Variants in ANXA7 observed in about 807,000 individuals in gnomAD.
ANXA7 encodes the protein annexin VII.
Under a neutral mutation model 64.9 loss-of-function variants are expected in ANXA7, and 55 were observed. That is an observed-to-expected ratio of 0.85 (90% CI 0.68 to 1.06). ANXA7 has a LOEUF of 1.06. Ranked by LOEUF, ANXA7 falls within the 50% of genes least tolerant of loss-of-function variation. The pLI, the probability that ANXA7 is intolerant of heterozygous loss-of-function variation, is 0.00. For missense variants in ANXA7, 548 were observed against 582.1 expected (o/e 0.94, Z 0.60); for synonymous variants, 200 against 192.4 (o/e 1.04, Z -0.33).
intron 5 of ANXA7, chr10:73,396,196 G>A (rs1225907615): frequency 1.1e-6 from 1 of 875,158 alleles, no homozygotes; most frequent in Non-Finnish European, 1.8e-6. Flanking sequence ...CAATCACCCA[G>A]CCACCCAAAT....
chr10:73,376,299 TTAATAA>T, intron 12 of ANXA7, 82 bp from the exon 13 acceptor site: 1 of 1,323,638 alleles, frequency 7.6e-7, no homozygotes, highest in Non-Finnish European at 1.0e-6. Flanking sequence ...TAATAAGATC[TTAATAA>T]TAATCAAAAC....
chr10:73,389,641 T>G (rs1235313393), intron 5 of ANXA7, among the ~76,000 whole-genome samples: 2 of 152,244 alleles, frequency 1.3e-5, no homozygotes, highest in African/African-American at 4.8e-5. Flanking sequence ...TTTTTATTTT[T>G]TAGAGATAGG....
intron 1 of ANXA7, among the ~76,000 whole-genome samples, chr10:73,411,870 A>G (rs76645986): frequency 1.5e-5 from 2 of 131,696 alleles, no homozygotes; most frequent in Non-Finnish European, 3.1e-5. Flanking sequence ...CGTATTAATG[A>G]AAAAAAAAAA....
chr10:73,413,171 T>A (rs1304954221), intron 1 of ANXA7, among the ~76,000 whole-genome samples: 7 of 150,734 alleles, frequency 4.6e-5, no homozygotes, highest in Non-Finnish European at 1.0e-4. Flanking sequence ...TGAAAGACAG[T>A]CCTCACTGAA....
At chr10:73,400,666 C>T in intron 2 of ANXA7, 137 bp downstream of exon 2, 1 of 561,238 alleles carries the variant, frequency 1.8e-6, no homozygotes, top group Non-Finnish European at 2.9e-6. Context: ...ACACAATTGC[C>T]TTTCCTCACT....
chr10:73,389,450 G>A (rs1250541887), intron 5 of ANXA7, among the ~76,000 whole-genome samples: 1 of 152,156 alleles, frequency 6.6e-6, no homozygotes, highest in Non-Finnish European at 1.5e-5. Flanking sequence ...CTATATCGAT[G>A]TTATTTCCTG....
At chr10:73,403,653 A>G (rs1331425709) in intron 1 of ANXA7, among the ~76,000 whole-genome samples, 4 of 152,228 alleles carry the variant, frequency 2.6e-5, no homozygotes, top group Non-Finnish European at 5.9e-5. Context: ...TATTTTGCCA[A>G]TACTATCTTC....
chr10:73,381,291 A>C (rs1183498011), intron 9 of ANXA7: 1 of 152,154 alleles, frequency 6.6e-6, no homozygotes, highest in Non-Finnish European at 1.5e-5. Context: ...GCTACAAATA[A>C]CTCATGTTCT....
intron 1 of ANXA7, among the ~76,000 whole-genome samples, chr10:73,405,317 G>C (rs1055861674): frequency 6.6e-6 from 1 of 150,778 alleles, no homozygotes; most frequent in Admixed American, 6.6e-5. Context: ...TGAGGTGGGC[G>C]GATCAACTGA....
intron 2 of ANXA7, among the ~76,000 whole-genome samples, chr10:73,400,472 T>C (rs912623239): frequency 6.6e-6 from 1 of 152,198 alleles, no homozygotes; most frequent in Non-Finnish European, 1.5e-5. Context: ...AGTTAACATT[T>C]TTTAAAACTA....
At chr10:73,410,589 C>A (rs890703364) in intron 1 of ANXA7, among the ~76,000 whole-genome samples, 1 of 152,016 alleles carries the variant, frequency 6.6e-6, no homozygotes, top group Non-Finnish European at 1.5e-5. Context: ...TTGAAACCAG[C>A]CTGACCAACA....
intron 1 of ANXA7, among the ~76,000 whole-genome samples, chr10:73,404,268 G>A (rs929498880): frequency 5.3e-5 from 8 of 152,168 alleles, no homozygotes; most frequent in Admixed American, 1.3e-4. Flanking sequence ...ATAGTCTTCT[G>A]ATCAGCAAAC....
In ANXA7 at chr10:73,383,600, A is replaced by G; in HGVS notation, c.724T>C (p.Trp242Arg). The G allele has an allele frequency of 5.6e-6, 9 of 1,612,996 alleles. No individual in the cohort carries two copies. Among genetic ancestry groups the G allele is most frequent in the Non-Finnish European group, 7.6e-6 (9 of 1,179,022 alleles). Residue 242 changes from tryptophan to arginine, a missense_variant, in exon 8 of 13, where the codon TGG becomes CGG. Transcript: ENST00000372921. The stretch of plus-strand genomic sequence containing the variant: ...ACCTGCATTGCTTTCCGTAAGCTCC[A>G]GGCATCGTAATACGTAGGAGGCATG... ...LFMPPTYYDA[W>R]SLRKAMQGAG...
At chr10:73,380,280 T>G in intron 9 of ANXA7, 79 bp from the exon 10 acceptor site, 1 of 1,423,800 alleles carries the variant, frequency 7.0e-7, no homozygotes, top group South Asian at 1.3e-5. Context: ...TAGTTCACTT[T>G]TGGATTTAAA....
chr10:73,392,756 G>A (rs1589655346), intron 5 of ANXA7, among the ~76,000 whole-genome samples: 1 of 152,154 alleles, frequency 6.6e-6, no homozygotes, highest in East Asian at 1.9e-4. Flanking sequence ...TACTGAATGG[G>A]CAAAAACTGG....
chr10:73,410,781 C>CA (rs536548150), intron 1 of ANXA7, among the ~76,000 whole-genome samples: 663 of 58,992 alleles, frequency 0.011, 3 homozygotes, highest in East Asian at 0.018. Flanking sequence ...GACTCCATCT[C>CA]AAAAAAAAAA....
intron 1 of ANXA7, among the ~76,000 whole-genome samples, chr10:73,403,901 C>A (rs1408698294): frequency 2.0e-5 from 3 of 152,130 alleles, no homozygotes; most frequent in African/African-American, 7.2e-5. Context: ...GGGACGTGAA[C>A]GTACCTACTT....
chr10:73,386,295 T>C (rs1250025053), intron 7 of ANXA7, among the ~76,000 whole-genome samples: 1 of 151,250 alleles, frequency 6.6e-6, no homozygotes, highest in African/African-American at 2.4e-5. Flanking sequence ...TTTTTAGCCA[T>C]AGAATCTTGT....
chr10:73,397,893 T>C (rs1380252660), intron 3 of ANXA7, among the ~76,000 whole-genome samples: 1 of 152,228 alleles, frequency 6.6e-6, no homozygotes, highest in Non-Finnish European at 1.5e-5. Context: ...TGAAATGTCT[T>C]AATCAGGTCT....
Sources: gnomAD v4.1 joint callset for allele counts (sites outside exome capture counted in the v4.1 genomes callset) on GRCh38, gnomAD v4.1.1 for gene constraint, MANE v1.5 for transcripts, NCBI Gene and HGNC (gene_info 2026-07-23, HGNC 2026-07-21) for gene names.